The following TMEFF1 variants were observed in gnomAD, a reference collection of about 807,000 sequenced individuals.
The protein encoded by TMEFF1 is transmembrane protein with EGF like and two follistatin like domains 1.
In TMEFF1, 20 loss-of-function variants were observed where a neutral mutation model predicts 47.5. The ratio of observed to expected loss-of-function variants is 0.42; its 90% CI spans 0.30 to 0.61. The LOEUF is 0.61. TMEFF1 is among the 20% of genes least tolerant of loss of function. The pLI is 0.19. For synonymous variants in TMEFF1, 162 were observed against 166.3 expected (o/e 0.97, Z 0.20); for missense variants, 411 against 471.1 (o/e 0.87, Z 1.18).
chr9:100,519,219 C>T (rs1020203173), intron 5 of TMEFF1, among the ~76,000 whole-genome samples: 4 of 151,938 alleles, frequency 2.6e-5, no homozygotes. Context: ...ACCATCCTGA[C>T]CAACATGATG....
chr9:100,482,264 C>G (rs1054237989), intron 1 of TMEFF1, among the ~76,000 whole-genome samples: 2 of 150,690 alleles, frequency 1.3e-5, no homozygotes, highest in Non-Finnish European at 2.9e-5. Context: ...GCGGCTTGAT[C>G]TTTGCTCACT....
chr9:100,529,894 T>C (rs1252831115), intron 5 of TMEFF1, among the ~76,000 whole-genome samples: 1 of 152,130 alleles, frequency 6.6e-6, no homozygotes, highest in Non-Finnish European at 1.5e-5. Flanking sequence ...ACAAATTATC[T>C]CTCAGACCGC....
chr9:100,569,726 A>G (rs565216421), intron 8 of TMEFF1, among the ~76,000 whole-genome samples: 16 of 152,320 alleles, frequency 1.1e-4, no homozygotes, highest in South Asian at 4.1e-4. Flanking sequence ...TTGGAAATAT[A>G]TATACATTGT....
intron 5 of TMEFF1, among the ~76,000 whole-genome samples, chr9:100,547,497 T>C (rs565332831): frequency 6.6e-6 from 1 of 152,344 alleles, no homozygotes; most frequent in Non-Finnish European, 1.5e-5. Flanking sequence ...CATCTCCTGA[T>C]TACTTTATCT....
chr9:100,543,397 G>A (rs1233237061), intron 5 of TMEFF1, among the ~76,000 whole-genome samples: 1 of 151,760 alleles, frequency 6.6e-6, no homozygotes, highest in Non-Finnish European at 1.5e-5. Flanking sequence ...ATTTCTGGAA[G>A]TTCTGTTTGG....
intron 5 of TMEFF1, among the ~76,000 whole-genome samples, chr9:100,537,485 G>C (rs1161971373): frequency 1.3e-5 from 2 of 152,196 alleles, no homozygotes; most frequent in African/African-American, 2.4e-5. Context: ...GCATGTTTGG[G>C]GCTCAGCCCA....
rs754960773 is a variant in TMEFF1 at position 100,531,312 on chromosome 9, C to G, written c.560+14541C>G. ...AAGTCAAATTGTCCCTGTTTGCAGA[C>G]GACATGATTGTATATCTAGAAAACC... On this transcript the variant is annotated intron_variant, in intron 5 of 9. Coordinates refer to ENST00000374879, the MANE Select transcript of TMEFF1 (RefSeq NM_003692.5). Among the ~76,000 whole-genome samples the G allele has an allele frequency of 1.7e-3, 264 of 152,144 alleles. 1 individual carries two copies. The highest frequency in any genetic ancestry group is 3.4e-3 in the Middle Eastern group (1 of 294).
intron 1 of TMEFF1, among the ~76,000 whole-genome samples, chr9:100,494,664 G>A (rs540728742): frequency 1.3e-5 from 2 of 152,260 alleles, no homozygotes; most frequent in South Asian, 2.1e-4. Flanking sequence ...TGAACACAGA[G>A]CGAGGGAGGC....
intron 2 of TMEFF1, among the ~76,000 whole-genome samples, chr9:100,501,686 C>A (rs973822427): frequency 6.6e-6 from 1 of 151,952 alleles, no homozygotes; most frequent in Admixed American, 6.6e-5. Context: ...CGCTCTGTTG[C>A]CAGGCTGGAG....
chr9:100,486,027 A>G (rs1446209065), intron 1 of TMEFF1, among the ~76,000 whole-genome samples: 1 of 148,396 alleles, frequency 6.7e-6, no homozygotes, highest in Admixed American at 6.7e-5. Flanking sequence ...CCACAGCTCA[A>G]TTTCTCTCTC....
Position 100,526,777 on chromosome 9 carries a change from G to A in TMEFF1, c.560+10006G>A, listed in dbSNP as rs148860610. 2.2e-3 allele frequency among the ~76,000 whole-genome samples: 335 copies of A among 151,748 alleles called. 2 individuals are homozygous for A. The highest frequency in any genetic ancestry group is 9.4e-3 in the South Asian group (45 of 4,804). On this transcript the variant is annotated intron_variant, in intron 5 of 9. Coordinates refer to ENST00000374879, the MANE Select transcript of TMEFF1 (RefSeq NM_003692.5). Reference sequence around the variant, plus strand: ...ATGTGGCCTTTTAAAATGAGTTAGGGAGTGTTTTTTTCTAGTCTCTGGATG... The same window carrying A: ...ATGTGGCCTTTTAAAATGAGTTAGGAAGTGTTTTTTTCTAGTCTCTGGATG...
At chr9:100,486,838 A>G (rs1165033066) in intron 1 of TMEFF1, among the ~76,000 whole-genome samples, 2 of 152,062 alleles carry the variant, frequency 1.3e-5, no homozygotes, top group African/African-American at 2.4e-5. Context: ...GAGTCTCTCT[A>G]TGTTGCCCAG....
intron 5 of TMEFF1, 95 bp downstream of exon 5, chr9:100,516,866 T>G: frequency 7.0e-7 from 1 of 1,428,212 alleles, no homozygotes; most frequent in Non-Finnish European, 9.2e-7. Flanking sequence ...GTTCTGTATC[T>G]TTTGTGTGTT....
At chr9:100,568,642 G>A (rs1839171858) in intron 8 of TMEFF1, among the ~76,000 whole-genome samples, 1 of 147,458 alleles carries the variant, frequency 6.8e-6, no homozygotes, top group Non-Finnish European at 1.5e-5. Flanking sequence ...GCACAGAGTT[G>A]TGCAACCATC....
chr9:100,532,517 G>T (rs920474555), intron 5 of TMEFF1, among the ~76,000 whole-genome samples: 2 of 152,090 alleles, frequency 1.3e-5, no homozygotes, highest in African/African-American at 4.8e-5. Flanking sequence ...TCAGAGAAAT[G>T]CAAATCAAAA....
At position 100,576,700 on chromosome 9, in the gene TMEFF1, AT is replaced by A; in HGVS notation, c.*105del. ...TATTTCAGAGGCCTTATTTTTGGACATTTTTAGTGTAGTACTGTTGGCTCGT... is the reference window on the plus strand; with the variant it reads ...TATTTCAGAGGCCTTATTTTTGGACATTTTAGTGTAGTACTGTTGGCTCGT... On this transcript the variant is annotated 3_prime_UTR_variant, in exon 10 of 10. Coordinates refer to ENST00000374879, the MANE Select transcript of TMEFF1 (RefSeq NM_003692.5). 1 of 1,425,842 alleles carries A rather than the reference AT, an allele frequency of 7.0e-7. No homozygotes were observed. The highest frequency in any genetic ancestry group is 9.5e-7 in the Non-Finnish European group (1 of 1,053,712). The allele number at this position is 1,425,842 out of a possible 1,614,324, so 88.3% of individuals were successfully genotyped here. A position where few individuals can be genotyped will look rare whatever the true frequency, so the allele number is the denominator to read the frequency against.
chr9:100,545,842 C>T (rs1223119465), intron 5 of TMEFF1, among the ~76,000 whole-genome samples: 1 of 152,194 alleles, frequency 6.6e-6, no homozygotes, highest in South Asian at 2.1e-4. Flanking sequence ...CTACAGATCT[C>T]TAGGGCAGGG....
At chr9:100,474,149 T>G (rs1159128792) in intron 1 of TMEFF1, among the ~76,000 whole-genome samples, 2 of 56,056 alleles carry the variant, frequency 3.6e-5, no homozygotes, top group African/African-American at 6.9e-5. Context: ...GTGTGCAGAG[T>G]GCGGTGGGTG....
chr9:100,559,487 T>C (rs994839602), intron 7 of TMEFF1, among the ~76,000 whole-genome samples: 1 of 152,144 alleles, frequency 6.6e-6, no homozygotes, highest in African/African-American at 2.4e-5. Context: ...TTTAGATCTT[T>C]TGTGGGTGTA....
Sources: allele counts gnomAD v4.1 joint callset (sites outside exome capture counted in the v4.1 genomes callset), GRCh38; gene constraint gnomAD v4.1.1; transcripts MANE v1.5; gene names NCBI Gene and HGNC (gene_info 2026-07-23, HGNC 2026-07-21).